Variants in ZNF605 observed in about 807,000 individuals in gnomAD.
ZNF605 encodes zinc finger protein 605.
Under a neutral mutation model 7.9 loss-of-function variants are expected in ZNF605, and 9 were observed. The ratio of observed to expected loss-of-function variants is 1.14; its 90% CI spans 0.68 to 1.98. The LOEUF is 1.98. Ranked by LOEUF, ZNF605 falls within the 30% of genes most tolerant of loss-of-function variation. ZNF605 has a pLI of 0.00. For synonymous variants in ZNF605, 255 were observed against 260.1 expected, an observed-to-expected ratio of 0.98 and a Z score of 0.19; for missense variants, 673 against 762.4, an observed-to-expected ratio of 0.88 and a Z score of 1.38.
intron 1 of ZNF605, among the ~76,000 whole-genome samples, chr12:132,950,634 T>C (rs1447117936): frequency 2.7e-5 from 4 of 150,306 alleles, no homozygotes; most frequent in East Asian, 3.9e-4. Context: ...ACAGACACCC[T>C]GAGTACATCG....
rs1952247512 is a variant in ZNF605 at position 132,926,347 on chromosome 12, A to G, written c.952T>C (p.Phe318Leu). ...PYPCSHCGKA[F>L]FWKSQLITHQ... Reference sequence around the variant, plus strand: ...GTAATCAGCTGCGACTTCCAAAAGAAGGCTTTTCCACAGTGACTACATGGA... The same window carrying G: ...GTAATCAGCTGCGACTTCCAAAAGAGGGCTTTTCCACAGTGACTACATGGA... Residue 318 changes from phenylalanine to leucine, a missense_variant, in exon 5 of 5, where the codon TTC (phenylalanine) becomes CTC (leucine). Coordinates refer to ENST00000360187, the MANE Select transcript of ZNF605 (RefSeq NM_183238.4). 6.2e-7 allele frequency: 1 copy of G among 1,614,072 alleles called. No individual in the cohort carries two copies. Among genetic ancestry groups the G allele is most frequent in the Non-Finnish European group, 8.5e-7 (1 of 1,180,040 alleles).
chr12:132,954,168 C>T (rs1057481101), intron 1 of ZNF605, among the ~76,000 whole-genome samples: 2 of 151,176 alleles, frequency 1.3e-5, no homozygotes, highest in South Asian at 2.1e-4. Context: ...CCCTACAGGC[C>T]CAACTGATGA....
Position 132,925,778 on chromosome 12 carries a change from A to G in ZNF605, c.1521T>C (p.Cys507=). The change falls in exon 5 of 5, where the codon TGT becomes TGC. Residue 507 remains cysteine, a synonymous_variant. Coordinates refer to ENST00000360187, the MANE Select transcript of ZNF605 (RefSeq NM_183238.4). ...AGGCAAAAGCTTTCCTACATTCACT[A>G]CATTCAAAGGGCTTTTCTCCAGTAT... ...RTHTGEKPFE[C]SECRKAFAWK... is the part of the protein sequence containing the mutation. 1 of 1,614,042 alleles carries G rather than the reference A, an allele frequency of 6.2e-7. No homozygotes were observed. The highest frequency in any genetic ancestry group is 8.5e-7 in the Non-Finnish European group (1 of 1,179,972).
At chr12:132,955,348 G>C (rs986279973) in intron 1 of ZNF605, among the ~76,000 whole-genome samples, 7 of 152,202 alleles carry the variant, frequency 4.6e-5, no homozygotes, top group Non-Finnish European at 1.0e-4. Context: ...CTGCGTGTTG[G>C]CTCAGGCTGG....
At chr12:132,939,040 C>A (rs1327963697) in intron 3 of ZNF605, among the ~76,000 whole-genome samples, 10 of 151,668 alleles carry the variant, frequency 6.6e-5, no homozygotes, top group African/African-American at 2.4e-4. Context: ...CTCCCACCCA[C>A]TCCATGGGCT....
Position 132,922,041 on chromosome 12 carries a change from T to A in ZNF605, c.*3332A>T, listed in dbSNP as rs1258178015. On this transcript the variant is annotated 3_prime_UTR_variant, in exon 5 of 5. Coordinates refer to ENST00000360187, the MANE Select transcript of ZNF605 (RefSeq NM_183238.4). Reference sequence around the variant, plus strand: ...AGGTGGTGTGGATTCGTGGACGAAGTCTCTAACGTAATCTTGACTACTGAA... The same window carrying A: ...AGGTGGTGTGGATTCGTGGACGAAGACTCTAACGTAATCTTGACTACTGAA... The A allele has an allele frequency of 6.6e-6, 1 of 152,128 alleles. No individual in the cohort carries two copies. The highest frequency in any genetic ancestry group is 2.4e-5 in the African/African-American group (1 of 41,414). 9.4% of individuals were successfully genotyped at this position (152,128 alleles called of 1,614,324 possible). A position where few individuals can be genotyped will look rare whatever the true frequency, so the allele number is the denominator to read the frequency against.
chr12:132,942,283 A>G (rs1467882566), intron 3 of ZNF605, among the ~76,000 whole-genome samples: 5 of 152,182 alleles, frequency 3.3e-5, no homozygotes, highest in African/African-American at 1.2e-4. Flanking sequence ...ACCAAACACA[A>G]GAGGTCCTCT....
chr12:132,951,001 CAT>C (rs1293904697), intron 1 of ZNF605, among the ~76,000 whole-genome samples: 34 of 151,664 alleles, frequency 2.2e-4, no homozygotes, highest in Non-Finnish European at 4.3e-4. Context: ...CACACGCAGA[CAT>C]GTACAGACAT....
intron 1 of ZNF605, among the ~76,000 whole-genome samples, chr12:132,949,779 G>A (rs1952537807): frequency 6.6e-6 from 1 of 152,162 alleles, no homozygotes; most frequent in African/African-American, 2.4e-5. Flanking sequence ...CCCAAACCGT[G>A]GTGAATGGCA....
rs2137124473 is a variant in ZNF605, at chr12:132,926,677, G to A, written c.622C>T (p.Gln208Ter). ...QCSECGKAFS[Q>*]KSLLTVHQRT... ...TGATGAACCGTGAGCAGTGACTTCTGTGAAAAGGCTTTTCCACACTCACTG... is the reference window on the plus strand; with the variant it reads ...TGATGAACCGTGAGCAGTGACTTCTATGAAAAGGCTTTTCCACACTCACTG... The change falls in exon 5 of 5, where the codon CAG (glutamine) becomes TAG (stop). Residue 208 changes from glutamine (Q) to a stop codon, truncating the protein, a stop_gained. Transcript: ENST00000360187. LOFTEE classifies it low-confidence loss of function (END_TRUNC). The A allele has an allele frequency of 6.2e-7, 1 of 1,613,736 alleles. No homozygotes were observed. The highest frequency in any genetic ancestry group is 1.1e-5 in the South Asian group (1 of 91,072).
rs1566226116 is a variant in ZNF605 at position 132,920,315 on chromosome 12, A to AT, written c.*5057dup. On this transcript the variant is annotated 3_prime_UTR_variant, in exon 5 of 5. Transcript: ENST00000360187. ...CCACCTCACCTGGCTAATTTTTTGT[A>AT]TTTTTAGTAGAGACGGGGTTTCACC... 6.6e-6 allele frequency: 1 copy of AT among 151,442 alleles called. No homozygotes were observed. Among genetic ancestry groups the AT allele is most frequent in the African/African-American group, 2.4e-5 (1 of 41,096 alleles). The allele number at this position is 151,442 out of a possible 1,614,324, so 9.4% of individuals were successfully genotyped here.
chr12:132,935,107 G>C (rs980459222), intron 3 of ZNF605, among the ~76,000 whole-genome samples: 2 of 152,318 alleles, frequency 1.3e-5, no homozygotes, highest in African/African-American at 2.4e-5. Flanking sequence ...TGGAAACCTA[G>C]AGAGGTAAGC....
Position 132,941,169 on chromosome 12 carries a change from G to A in ZNF605, c.15+4452C>T, listed in dbSNP as rs1952436363. ...TAAGATGTCTTCCACTCCGGAGCAA[G>A]CAGATATGTGACTGACCGCCTCATG... is the stretch of plus-strand genomic sequence containing the variant. On this transcript the variant is annotated intron_variant, in intron 3 of 4. Transcript: ENST00000360187. This position sits in a 1 kb window ranked among gnomAD's most constrained non-coding sequence, Gnocchi z 5.1. Among the ~76,000 whole-genome samples the A allele has an allele frequency of 6.6e-6, 1 of 152,084 alleles. No homozygotes were observed. Among genetic ancestry groups the A allele is most frequent in the African/African-American group, 2.4e-5 (1 of 41,418 alleles).
In ZNF605 at chr12:132,941,619, G is replaced by C. The variant is rs1272198850; in HGVS notation, c.15+4002C>G. 1.3e-5 allele frequency among the ~76,000 whole-genome samples: 2 copies of C among 152,246 alleles called. No individual in the cohort carries two copies. Among genetic ancestry groups the C allele is most frequent in the Non-Finnish European group, 2.9e-5 (2 of 68,046 alleles). On this transcript the variant is annotated intron_variant, in intron 3 of 4. Coordinates refer to ENST00000360187, the MANE Select transcript of ZNF605 (RefSeq NM_183238.4). This position sits in a 1 kb window ranked among gnomAD's most constrained non-coding sequence, Gnocchi z 5.1. Reference sequence around the variant, plus strand: ...GGGTAACTGACTGTTGTAACGGACAGCTTCGGTGGCTGCTGGGAGGGGACG... The same window carrying C: ...GGGTAACTGACTGTTGTAACGGACACCTTCGGTGGCTGCTGGGAGGGGACG...
intron 3 of ZNF605, among the ~76,000 whole-genome samples, chr12:132,939,417 G>C (rs1259371222): frequency 6.6e-6 from 1 of 152,126 alleles, no homozygotes; most frequent in African/African-American, 2.4e-5. Flanking sequence ...TCTAGCTCAA[G>C]GTTTGTAAAC....
chr12:132,951,591 ACACT>A (rs1402922931), intron 1 of ZNF605, among the ~76,000 whole-genome samples: 5 of 151,734 alleles, frequency 3.3e-5, no homozygotes, highest in Non-Finnish European at 5.9e-5. Context: ...AGACATGCAC[ACACT>A]CAGACACAGA....
Position 132,927,092 on chromosome 12 carries a change from G to T in ZNF605, c.207C>A (p.Gly69=). Residue 69 remains glycine (G), a synonymous_variant, in exon 5 of 5, where the codon GGC becomes GGA. Transcript: ENST00000360187. Reference sequence around the variant, plus strand: ...TTTTTCCAAAAACATCATATTTATGGCCTCTCTCCATACTTTTAAGGTTGT... The same window carrying T: ...TTTTTCCAAAAACATCATATTTATGTCCTCTCTCCATACTTTTAAGGTTGT... The part of the protein sequence containing the change: ...NQDNLKSMER[G]HKYDVFGKIF... The T allele has an allele frequency of 5.6e-6, 9 of 1,598,158 alleles. No individual in the cohort carries two copies. The highest frequency in any genetic ancestry group is 1.1e-5 in the South Asian group (1 of 90,260).
intron 3 of ZNF605, among the ~76,000 whole-genome samples, chr12:132,936,007 G>A (rs1339937893): frequency 6.6e-6 from 1 of 151,762 alleles, no homozygotes; most frequent in Non-Finnish European, 1.5e-5. Flanking sequence ...CTTGCAGTGA[G>A]CCGAGATGGC....
intron 3 of ZNF605, among the ~76,000 whole-genome samples, chr12:132,936,629 C>T (rs1952369575): frequency 6.6e-6 from 1 of 152,202 alleles, no homozygotes; most frequent in African/African-American, 2.4e-5. Context: ...AGCAATTCTA[C>T]AGTCTTTGTG....
Sources: gnomAD v4.1 joint callset for allele counts (sites outside exome capture counted in the v4.1 genomes callset) on GRCh38, gnomAD v4.1.1 for gene constraint, Gnocchi (gnomAD v3.1) non-coding constraint, MANE v1.5 for transcripts, NCBI Gene and HGNC (gene_info 2026-07-23, HGNC 2026-07-21) for gene names.